LRBA: variants seen among roughly 807,000 people sequenced by gnomAD.
LRBA encodes the protein LPS responsive beige-like anchor protein, also known as lipopolysaccharide-responsive and beige-like anchor protein.
In LRBA, 176 loss-of-function variants were observed where a neutral mutation model predicts 330.0. The ratio of observed to expected loss-of-function variants is 0.53; its 90% CI spans 0.47 to 0.60. The LOEUF (loss-of-function observed/expected upper bound fraction) is 0.60, where lower values mean the gene tolerates loss of function less well. LRBA is among the 20% of genes least tolerant of loss of function. The probability of loss-of-function intolerance (pLI) is 0.00; values close to 1 mark genes in which losing one functional copy is unlikely to be tolerated. For synonymous variants in LRBA, 1,230 were observed against 1,193.0 expected (o/e 1.03, Z -0.64); for missense variants, 3,259 against 3,444.8 (o/e 0.95, Z 1.35).
intron 40 of LRBA, among the ~76,000 whole-genome samples, chr4:150,518,618 T>C (rs976805656): frequency 1.3e-5 from 2 of 152,174 alleles, no homozygotes; most frequent in Non-Finnish European, 2.9e-5. Flanking sequence ...CAGCCTCCCT[T>C]CCTTCTCATT....
At chr4:150,857,107 T>C (rs1418748282) in intron 22 of LRBA, among the ~76,000 whole-genome samples, 1 of 152,186 alleles carries the variant, frequency 6.6e-6, no homozygotes, top group Non-Finnish European at 1.5e-5. Context: ...GTGTCTGTTT[T>C]CATATGAAAA....
intron 5 of LRBA, among the ~76,000 whole-genome samples, chr4:150,918,811 T>C (rs1366288865): frequency 6.6e-6 from 1 of 152,142 alleles, no homozygotes; most frequent in Non-Finnish European, 1.5e-5. Context: ...AATTTGACCC[T>C]TATACATTGC....
At chr4:150,949,826 T>C (rs1381705467) in intron 2 of LRBA, among the ~76,000 whole-genome samples, 4 of 151,868 alleles carry the variant, frequency 2.6e-5, no homozygotes, top group East Asian at 1.9e-4. Flanking sequence ...TCTTTACTTA[T>C]CCCTCCCTCC....
Position 150,852,446 on chromosome 4 carries a change from C to T in LRBA, c.3264G>A (p.Glu1088=). ...VTASISSPSE[E]DASEMPEFLD... ...AGAATTCTGGCATCTCTGAGGCATC[C>T]TCTTCTGAAGGAGAACTTATAGAAG... Residue 1088 remains glutamate (E), a synonymous_variant, in exon 23 of 57, where the codon GAG becomes GAA. Coordinates refer to ENST00000651943, the MANE Select transcript of LRBA (RefSeq NM_001364905.1). 2 of 1,613,520 alleles carry T rather than the reference C, an allele frequency of 1.2e-6. No homozygotes were observed.
At chr4:150,277,465 A>G (rs1746934049) in intron 56 of LRBA, among the ~76,000 whole-genome samples, 1 of 152,138 alleles carries the variant, frequency 6.6e-6, no homozygotes, top group African/African-American at 2.4e-5. Context: ...GCATCACTGT[A>G]ATCAGAGCCT....
chr4:150,414,117 T>G (rs1581239449), intron 47 of LRBA, among the ~76,000 whole-genome samples: 1 of 152,322 alleles, frequency 6.6e-6, no homozygotes, highest in East Asian at 1.9e-4. Context: ...CATACATAAT[T>G]ACAATTGTTT....
At chr4:150,985,892 C>A (rs971271996) in intron 2 of LRBA, among the ~76,000 whole-genome samples, 4 of 152,120 alleles carry the variant, frequency 2.6e-5, no homozygotes, top group East Asian at 1.9e-4. Flanking sequence ...CCAAATGATT[C>A]TTTACTATCC....
intron 46 of LRBA, among the ~76,000 whole-genome samples, chr4:150,423,887 T>C (rs1015842205): frequency 2.6e-5 from 4 of 152,206 alleles, no homozygotes; most frequent in African/African-American, 9.6e-5. Context: ...AGAAAGAATA[T>C]ATTTTTAGGA....
At chr4:150,713,159 C>T (rs1786405484) in intron 36 of LRBA, among the ~76,000 whole-genome samples, 1 of 152,098 alleles carries the variant, frequency 6.6e-6, no homozygotes, top group Admixed American at 6.6e-5. Flanking sequence ...TGGTCTCAAA[C>T]TGCTGGGGTC....
intron 4 of LRBA, among the ~76,000 whole-genome samples, chr4:150,926,390 A>C (rs907908036): frequency 6.6e-6 from 1 of 152,204 alleles, no homozygotes; most frequent in African/African-American, 2.4e-5. Context: ...AGTAAAACTA[A>C]ACTAGCCGTA....
intron 47 of LRBA, among the ~76,000 whole-genome samples, chr4:150,375,451 TCTCTA>T (rs1741121742): frequency 6.6e-6 from 1 of 151,982 alleles, no homozygotes; most frequent in Non-Finnish European, 1.5e-5. Context: ...TGAAACAGTC[TCTCTA>T]CTTACTTTTT....
intron 37 of LRBA, among the ~76,000 whole-genome samples, chr4:150,645,139 G>GAA (rs1208338154): frequency 4.9e-5 from 6 of 121,464 alleles, no homozygotes; most frequent in Non-Finnish European, 3.5e-5. Context: ...CCTGTCTCAA[G>GAA]AAAAAAAAAA....
chr4:150,615,531 A>T (rs2126599812), intron 37 of LRBA, among the ~76,000 whole-genome samples: 1 of 152,282 alleles, frequency 6.6e-6, no homozygotes, highest in Non-Finnish European at 1.5e-5. Context: ...AACAGATCAT[A>T]TATGGGATGT....
At chr4:150,645,240 T>C (rs1779018862) in intron 37 of LRBA, among the ~76,000 whole-genome samples, 2 of 150,548 alleles carry the variant, frequency 1.3e-5, no homozygotes, top group African/African-American at 2.4e-5. Context: ...ACTACTATTA[T>C]CACACACTAA....
At chr4:150,543,015 T>C (rs922940518) in intron 40 of LRBA, among the ~76,000 whole-genome samples, 5 of 152,096 alleles carry the variant, frequency 3.3e-5, no homozygotes, top group African/African-American at 1.2e-4. Context: ...AACATAAGTG[T>C]CCCAAAATTC....
intron 35 of LRBA, among the ~76,000 whole-genome samples, chr4:150,750,605 A>AT (rs1357018633): frequency 3.3e-5 from 5 of 151,682 alleles, no homozygotes; most frequent in Admixed American, 6.6e-5. Flanking sequence ...ATACTACCCA[A>AT]TTTTTTTTAA....
chr4:150,772,975 C>T (rs956968638), intron 34 of LRBA, among the ~76,000 whole-genome samples: 11 of 152,280 alleles, frequency 7.2e-5, no homozygotes, highest in Admixed American at 5.2e-4. Context: ...AAGCCATAAA[C>T]GGTCACTAGC....
intron 44 of LRBA, among the ~76,000 whole-genome samples, chr4:150,450,617 A>G (rs947743687): frequency 1.3e-5 from 2 of 152,208 alleles, no homozygotes; most frequent in African/African-American, 4.8e-5. Context: ...CAAAAACCCT[A>G]TTTATGAATA....
At chr4:150,808,952 T>C (rs772546624) in intron 31 of LRBA, among the ~76,000 whole-genome samples, 3 of 152,242 alleles carry the variant, frequency 2.0e-5, no homozygotes, top group East Asian at 3.9e-4. Context: ...AAAAACACTA[T>C]GCTTTAAAGA....
Sources: allele counts gnomAD v4.1 joint callset (sites outside exome capture counted in the v4.1 genomes callset), GRCh38; gene constraint gnomAD v4.1.1; transcripts MANE v1.5; gene names NCBI Gene and HGNC (gene_info 2026-07-23, HGNC 2026-07-21).